Variants in MRE11 observed in about 807,000 individuals in gnomAD.
MRE11 encodes double-strand break repair protein MRE11.
MRE11 carries 62 observed loss-of-function variants against 91.7 expected under a neutral mutation model. That is an observed-to-expected ratio of 0.68 (90% CI 0.55 to 0.84). The LOEUF (loss-of-function observed/expected upper bound fraction) is 0.84, where lower values mean the gene tolerates loss of function less well. MRE11 is among the 40% of genes least tolerant of loss of function. The pLI, the probability that MRE11 is intolerant of heterozygous loss-of-function variation, is 0.00. For synonymous variants in MRE11, 273 were observed against 271.4 expected (o/e 1.01, Z -0.06); for missense variants, 796 against 852.9 (o/e 0.93, Z 0.83).
At chr11:94,455,967 T>TC (rs1270458353) in intron 14 of MRE11, among the ~76,000 whole-genome samples, 4 of 152,118 alleles carry the variant, frequency 2.6e-5, no homozygotes, top group African/African-American at 9.7e-5. Context: ...CAGCCATAGT[T>TC]CACTGCAGCC....
chr11:94,463,748 A>T (rs1224087908), intron 11 of MRE11, among the ~76,000 whole-genome samples: 1 of 137,524 alleles, frequency 7.3e-6, no homozygotes, highest in Non-Finnish European at 1.5e-5. Context: ...ACTTGGACAC[A>T]GGGCAGGGAA....
At chr11:94,506,238 T>C in the MRE11 span, among the ~76,000 whole-genome samples, 1 of 151,872 alleles carries the variant, frequency 6.6e-6, no homozygotes, top group East Asian at 1.9e-4. Context: ...GCTTATTACC[T>C]GGGTGATGAA....
chr11:94,502,498 G>C, the MRE11 span, among the ~76,000 whole-genome samples: 1 of 152,054 alleles, frequency 6.6e-6, no homozygotes, highest in Non-Finnish European at 1.5e-5. Context: ...AGTAGGGTTT[G>C]AGGACATAAC....
At chr11:94,475,884 A>G (rs1234107823) in intron 7 of MRE11, among the ~76,000 whole-genome samples, 1 of 152,242 alleles carries the variant, frequency 6.6e-6, no homozygotes, top group Admixed American at 6.5e-5. Context: ...GGCTGTAAAT[A>G]TAGCATAATA....
At position 94,419,952 on chromosome 11, in the gene MRE11, C is replaced by A; in HGVS notation, c.*173G>T. The A allele has an allele frequency of 2.0e-6, 1 of 498,348 alleles. No individual in the cohort carries two copies. Among genetic ancestry groups the A allele is most frequent in the East Asian group, 3.1e-5 (1 of 32,348 alleles). 30.9% of individuals were successfully genotyped at this position (498,348 alleles called of 1,614,324 possible). A position where few individuals can be genotyped will look rare whatever the true frequency, so the allele number is the denominator to read the frequency against. ...GAAACAAAGCTCTTACTACAACAAC[C>A]AGGTTAAAAAAACAAGGTGAATCAA... is the stretch of plus-strand genomic sequence containing the variant. On this transcript the variant is annotated 3_prime_UTR_variant, in exon 20 of 20. Coordinates refer to ENST00000323929, the MANE Select transcript of MRE11 (RefSeq NM_005591.4).
At position 94,421,423 on chromosome 11, in the gene MRE11, AAACTT is replaced by A. The variant is rs1464281434; in HGVS notation, c.2071-1247_2071-1243del. On this transcript the variant is annotated intron_variant, in intron 19 of 19. Transcript: ENST00000323929. ...TCATTTTCTGCTGCTATCAAAGACA[AAACTT>A]AAATAAACCAGAGACAAATCCAAAT... Among the ~76,000 whole-genome samples, 3 of 152,364 alleles carry A rather than the reference AAACTT, an allele frequency of 2.0e-5. No individual in the cohort carries two copies. The South Asian group carries it at 6.2e-4, about 32-fold the overall frequency.
At chr11:94,502,583 G>T in the MRE11 span, among the ~76,000 whole-genome samples, 1 of 152,166 alleles carries the variant, frequency 6.6e-6, no homozygotes, top group East Asian at 1.9e-4. Context: ...TTGGTTACTT[G>T]TATCTACTTT....
chr11:94,493,597 G>A (rs1256520260), intron 1 of MRE11, 194 bp downstream of exon 1: 4 of 152,162 alleles, frequency 2.6e-5, no homozygotes, highest in Non-Finnish European at 5.9e-5. Context: ...CTGCCCACTC[G>A]GCCCGCTCTT....
At chr11:94,421,156 C>A (rs926520840) in intron 19 of MRE11, among the ~76,000 whole-genome samples, 1 of 151,964 alleles carries the variant, frequency 6.6e-6, no homozygotes, top group Non-Finnish European at 1.5e-5. Flanking sequence ...CTCAGATAAG[C>A]CCAATTATAT....
At chr11:94,498,422 C>A (rs900281616), upstream of MRE11, 1 of 1,613,528 alleles carries the variant, frequency 6.2e-7, no homozygotes, top group Non-Finnish European at 8.5e-7. Flanking sequence ...CAAACCAGGG[C>A]TGAAAAACAA....
At chr11:94,469,144 T>C (rs1946643901) in intron 9 of MRE11, among the ~76,000 whole-genome samples, 2 of 152,318 alleles carry the variant, frequency 1.3e-5, no homozygotes, top group South Asian at 4.1e-4. Context: ...TTACTTTGTG[T>C]CACCAGCGTC....
chr11:94,480,234 G>A (rs1377828803), intron 4 of MRE11, among the ~76,000 whole-genome samples: 1 of 152,084 alleles, frequency 6.6e-6, no homozygotes, highest in Non-Finnish European at 1.5e-5. Context: ...GGCAAATAAT[G>A]TTAGCAATTT....
intron 16 of MRE11, among the ~76,000 whole-genome samples, chr11:94,445,273 T>C (rs1197007804): frequency 6.6e-6 from 1 of 152,196 alleles, no homozygotes; most frequent in Non-Finnish European, 1.5e-5. Flanking sequence ...AAACAGCATT[T>C]GTCTGAAAGT....
chr11:94,489,034 C>A (rs1384123364), intron 3 of MRE11, among the ~76,000 whole-genome samples: 3 of 152,080 alleles, frequency 2.0e-5, no homozygotes, highest in African/African-American at 7.2e-5. Context: ...CACTAAGATA[C>A]AGCATGAACA....
chr11:94,459,759 G>C (rs1027655109), intron 12 of MRE11, among the ~76,000 whole-genome samples, 178 bp from the exon 13 acceptor site: 13 of 152,296 alleles, frequency 8.5e-5, no homozygotes, highest in African/African-American at 3.1e-4. Flanking sequence ...AATGGGGGAG[G>C]AGTACAGGAC....
At chr11:94,431,470 C>CA (rs1269558300) in intron 18 of MRE11, among the ~76,000 whole-genome samples, 3 of 152,120 alleles carry the variant, frequency 2.0e-5, no homozygotes, top group Non-Finnish European at 4.4e-5. Flanking sequence ...GATGTGTTTC[C>CA]AAAATGTCAA....
chr11:94,490,541 A>G (rs1947258138), intron 3 of MRE11, among the ~76,000 whole-genome samples: 1 of 152,242 alleles, frequency 6.6e-6, no homozygotes, highest in Non-Finnish European at 1.5e-5. Context: ...ATCTGAAAGC[A>G]GAAGCTTTGA....
chr11:94,455,965 G>A (rs1014482964), intron 14 of MRE11, among the ~76,000 whole-genome samples: 2 of 152,112 alleles, frequency 1.3e-5, no homozygotes, highest in Non-Finnish European at 2.9e-5. Context: ...TGCAGCCATA[G>A]TTCACTGCAG....
At chr11:94,474,019 A>T (rs1946786001) in intron 7 of MRE11, among the ~76,000 whole-genome samples, 1 of 152,266 alleles carries the variant, frequency 6.6e-6, no homozygotes, top group East Asian at 1.9e-4. Context: ...ATATATAGAC[A>T]TGTATGTATG....
Sources: gnomAD v4.1 joint callset for allele counts (sites outside exome capture counted in the v4.1 genomes callset) on GRCh38, gnomAD v4.1.1 for gene constraint, MANE v1.5 for transcripts, NCBI Gene and HGNC (gene_info 2026-07-23, HGNC 2026-07-21) for gene names.